The following DRAM1 variants were observed in gnomAD, a reference collection of about 807,000 sequenced individuals.
The protein encoded by DRAM1 is DNA damage-regulated autophagy modulator protein 1.
Under a neutral mutation model 28.5 loss-of-function variants are expected in DRAM1, and 25 were observed. The observed-to-expected ratio is 0.88, with a 90% CI of 0.64 to 1.23. DRAM1 has a LOEUF of 1.23. Ranked by LOEUF, DRAM1 falls within the 50% of genes most tolerant of loss-of-function variation. DRAM1 has a pLI of 0.00. For synonymous variants in DRAM1, 113 were observed against 114.2 expected (o/e 0.99, Z 0.07); for missense variants, 249 against 299.2 (o/e 0.83, Z 1.24).
In DRAM1 at chr12:101,895,186, G is replaced by GTTTGTTTTT. The variant is rs1372490429; in HGVS notation, c.132-2674_132-2673insGTTTTTTTT. Among the ~76,000 whole-genome samples the GTTTGTTTTT allele has an allele frequency of 1.7e-4, 13 of 75,734 alleles. 1 individual carries two copies. The highest frequency in any genetic ancestry group is 6.6e-4 in the African/African-American group (12 of 18,080). The allele number at this position is 75,734 out of a possible 152,430, so 49.7% of individuals were successfully genotyped here. ...TAATGCTAAATTCGAAACCCTTCAG[G>GTTTGTTTTT]TTTTTTTTTTTTTTTTTTTTTTTTT... On this transcript the variant is annotated intron_variant, in intron 1 of 6. Transcript: ENST00000258534.
intron 4 of DRAM1, among the ~76,000 whole-genome samples, chr12:101,909,663 A>G (rs141296863): frequency 2.4e-3 from 373 of 152,280 alleles, no homozygotes; most frequent in Non-Finnish European, 4.5e-3. Context: ...CACTGATTTC[A>G]TTTTCAAAAT....
chr12:101,911,328 G>A (rs193064033), intron 4 of DRAM1, among the ~76,000 whole-genome samples: 5 of 152,276 alleles, frequency 3.3e-5, no homozygotes, highest in East Asian at 3.9e-4. Context: ...CGAAGAAACC[G>A]AGGCACCTAG....
At chr12:101,883,859 C>A (rs1223680023) in intron 1 of DRAM1, among the ~76,000 whole-genome samples, 1 of 150,850 alleles carries the variant, frequency 6.6e-6, no homozygotes, top group Admixed American at 6.6e-5. Context: ...TCGCTTGAAC[C>A]CGGAGGTGGA....
At chr12:101,907,177 G>T (rs1247235830) in intron 3 of DRAM1, among the ~76,000 whole-genome samples, 1 of 132,738 alleles carries the variant, frequency 7.5e-6, no homozygotes, top group East Asian at 2.3e-4. Context: ...TCCCACCTAA[G>T]CGACGGAGTG....
intron 1 of DRAM1, among the ~76,000 whole-genome samples, chr12:101,886,020 T>C (rs1255974836): frequency 1.3e-5 from 2 of 152,200 alleles, no homozygotes; most frequent in Admixed American, 1.3e-4. Context: ...CATATGGTCC[T>C]GTTTCATTAA....
At chr12:101,893,461 A>G (rs774775960) in intron 1 of DRAM1, among the ~76,000 whole-genome samples, 10 of 152,196 alleles carry the variant, frequency 6.6e-5, no homozygotes, top group Non-Finnish European at 1.3e-4. Flanking sequence ...CAGCATCTAT[A>G]TTAGTGTTTG....
intron 4 of DRAM1, among the ~76,000 whole-genome samples, chr12:101,912,158 C>G (rs941597790): frequency 6.6e-6 from 1 of 152,146 alleles, no homozygotes; most frequent in Non-Finnish European, 1.5e-5. Context: ...TGAGATCACA[C>G]CACTGCACTC....
chr12:101,900,668 G>T (rs183910034), intron 2 of DRAM1, among the ~76,000 whole-genome samples: 8 of 152,284 alleles, frequency 5.3e-5, no homozygotes, highest in African/African-American at 9.6e-5. Flanking sequence ...AATTAAAAAG[G>T]CAAGGGCATA....
intron 1 of DRAM1, among the ~76,000 whole-genome samples, chr12:101,887,063 C>T (rs1019153759): frequency 2.0e-5 from 3 of 149,462 alleles, no homozygotes; most frequent in African/African-American, 5.0e-5. Context: ...GAGAGTCACT[C>T]GAACCTGGGA....
At position 101,922,452 on chromosome 12, in the gene DRAM1, T is replaced by TCAAGGGCACATGC. The variant is rs1181622483; in HGVS notation, c.*1201_*1213dup. On this transcript the variant is annotated 3_prime_UTR_variant, in exon 7 of 7. Coordinates refer to ENST00000258534, the MANE Select transcript of DRAM1 (RefSeq NM_018370.3). ...ATGTGTGGCCAAGTGAGATCAGCCCTCAAGGGCACATGCCAAGGGCAGAGC... is the reference window on the plus strand; with the variant it reads ...ATGTGTGGCCAAGTGAGATCAGCCCTCAAGGGCACATGCCAAGGGCACATGCCAAGGGCAGAGC... 1.3e-5 allele frequency: 2 copies of TCAAGGGCACATGC among 152,322 alleles called. No individual in the cohort carries two copies. Among genetic ancestry groups the TCAAGGGCACATGC allele is most frequent in the African/African-American group, 4.8e-5 (2 of 41,460 alleles). The allele number at this position is 152,322 out of a possible 1,614,324, so 9.4% of individuals were successfully genotyped here.
At chr12:101,917,694 CAAAAAAA>C (rs34726299) in intron 5 of DRAM1, among the ~76,000 whole-genome samples, 3 of 107,746 alleles carry the variant, frequency 2.8e-5, no homozygotes, top group Non-Finnish European at 6.2e-5. Context: ...GACTCCATCT[CAAAAAAA>C]AAAAAAAAAG....
rs76460630 is a variant in DRAM1, at chr12:101,918,868, T to G, written c.580-1241T>G. 5.5e-3 allele frequency among the ~76,000 whole-genome samples: 833 copies of G among 152,202 alleles called. 6 individuals carry two copies. Among genetic ancestry groups the G allele is most frequent in the African/African-American group, 0.019 (776 of 41,512 alleles). On this transcript the variant is annotated intron_variant, in intron 5 of 6. Coordinates refer to ENST00000258534, the MANE Select transcript of DRAM1 (RefSeq NM_018370.3). ...GCCTCATTTGGCATGTGAGCTAACATCAGAATGCAGACATGCATATTTGAC... is the reference window on the plus strand; with the variant it reads ...GCCTCATTTGGCATGTGAGCTAACAGCAGAATGCAGACATGCATATTTGAC...
At chr12:101,916,408 G>A (rs1874245636) in intron 5 of DRAM1, among the ~76,000 whole-genome samples, 1 of 152,250 alleles carries the variant, frequency 6.6e-6, no homozygotes, top group South Asian at 2.1e-4. Flanking sequence ...GGAAGCTGAG[G>A]TGGAAGGATC....
intron 2 of DRAM1, among the ~76,000 whole-genome samples, chr12:101,900,701 T>C (rs764241267): frequency 1.2e-4 from 18 of 152,222 alleles, no homozygotes; most frequent in Non-Finnish European, 2.4e-4. Flanking sequence ...CAAATTCTGC[T>C]GGTGGGAGTC....
chr12:101,892,008 TAAA>T (rs1431247491), intron 1 of DRAM1, among the ~76,000 whole-genome samples: 1 of 152,068 alleles, frequency 6.6e-6, no homozygotes, highest in Non-Finnish European at 1.5e-5. Flanking sequence ...AATAAATAAA[TAAA>T]AAGAGGTTAC....
rs574722379 is a variant in DRAM1, at chr12:101,895,186, G to GTTTT, written c.132-2650_132-2647dup. On this transcript the variant is annotated intron_variant, in intron 1 of 6. Coordinates refer to ENST00000258534, the MANE Select transcript of DRAM1 (RefSeq NM_018370.3). ...TAATGCTAAATTCGAAACCCTTCAG[G>GTTTT]TTTTTTTTTTTTTTTTTTTTTTTTT... Among the ~76,000 whole-genome samples, 60 of 75,712 alleles carry GTTTT rather than the reference G, an allele frequency of 7.9e-4. 3 individuals carry two copies. The highest frequency in any genetic ancestry group is 2.0e-3 in the East Asian group (3 of 1,516). 49.7% of individuals were successfully genotyped at this position (75,712 alleles called of 152,430 possible). A position where few individuals can be genotyped will look rare whatever the true frequency, so the allele number is the denominator to read the frequency against.
chr12:101,906,394 G>A (rs1022430101), intron 3 of DRAM1, among the ~76,000 whole-genome samples: 5 of 151,852 alleles, frequency 3.3e-5, no homozygotes, highest in African/African-American at 1.2e-4. Flanking sequence ...GGAAGAGTGT[G>A]TTCACCGTGA....
intron 3 of DRAM1, among the ~76,000 whole-genome samples, chr12:101,907,798 T>C (rs987662314): frequency 5.9e-5 from 9 of 152,286 alleles, no homozygotes; most frequent in Middle Eastern, 3.4e-3. Flanking sequence ...TAATCTTCAC[T>C]GCAAACATGC....
Position 101,902,019 on chromosome 12 carries a change from G to C in DRAM1, c.342+586G>C, listed in dbSNP as rs536446756. ...TCATTGATGTGGTTTGATGTGTTGGGAGAGCTACTTCAGCTACTGTGATGA... is the reference window on the plus strand; with the variant it reads ...TCATTGATGTGGTTTGATGTGTTGGCAGAGCTACTTCAGCTACTGTGATGA... On this transcript the variant is annotated intron_variant, in intron 3 of 6. Transcript: ENST00000258534. Among the ~76,000 whole-genome samples, 4 of 152,268 alleles carry C rather than the reference G, an allele frequency of 2.6e-5. No homozygotes were observed. The South Asian group carries it at 8.3e-4, about 32-fold the overall frequency.
Sources: allele counts gnomAD v4.1 joint callset (sites outside exome capture counted in the v4.1 genomes callset), GRCh38; gene constraint gnomAD v4.1.1; transcripts MANE v1.5; gene names NCBI Gene and HGNC (gene_info 2026-07-23, HGNC 2026-07-21).